The following USP43 variants were observed in gnomAD, a reference collection of about 807,000 sequenced individuals.
USP43 encodes ubiquitin carboxyl-terminal hydrolase 43.
In USP43, 33 loss-of-function variants were observed where a neutral mutation model predicts 90.7. The observed-to-expected ratio is 0.36, with a 90% CI of 0.28 to 0.49. The LOEUF (loss-of-function observed/expected upper bound fraction) is 0.49. Ranked by LOEUF, USP43 falls within the 20% of genes least tolerant of loss-of-function variation. USP43 has a pLI of 0.98. For synonymous variants in USP43, 598 were observed against 615.8 expected, an observed-to-expected ratio of 0.97 and a Z score of 0.43; for missense variants, 1,274 against 1,476.4, an observed-to-expected ratio of 0.86 and a Z score of 2.25.
At position 9,686,342 on chromosome 17, in the gene USP43, G is replaced by A. The variant is rs1914599324; in HGVS notation, c.1242-456G>A. 6.6e-6 allele frequency among the ~76,000 whole-genome samples: 1 copy of A among 152,152 alleles called. No homozygotes were observed. ...TTGGATAAATACCCAGTAGTGGGATGGCTGGGTCACATGGTGGTTCTATTT... is the reference window on the plus strand; with the variant it reads ...TTGGATAAATACCCAGTAGTGGGATAGCTGGGTCACATGGTGGTTCTATTT... On this transcript the variant is annotated intron_variant, in intron 7 of 14. Transcript: ENST00000285199. The surrounding 1 kb of genome is among the most constrained non-coding windows in gnomAD (Gnocchi z 5.5).
In USP43 at chr17:9,728,435, G is replaced by A. The variant is rs377305048; in HGVS notation, c.2817G>A (p.Val939=). ...TGCCTCTCACTGTGATGCCTTCAGT[G>A]GAGCATGAGAAACCAGCTCGACCGG... ...FDLPLTVMPS[V]EHEKPARPEG... The change falls in exon 15 of 15, where the codon GTG becomes GTA. Residue 939 remains valine (V), a synonymous_variant. Transcript: ENST00000285199. This position sits in a 1 kb window ranked among gnomAD's most constrained non-coding sequence, Gnocchi z 6.2. 1 of 1,611,698 alleles carries A rather than the reference G, an allele frequency of 6.2e-7. No homozygotes were observed. Among genetic ancestry groups the A allele is most frequent in the Non-Finnish European group, 8.5e-7 (1 of 1,178,992 alleles).
Position 9,729,121 on chromosome 17 carries a change from T to C in USP43, c.*131T>C, listed in dbSNP as rs61173652. On this transcript the variant is annotated 3_prime_UTR_variant, in exon 15 of 15. Coordinates refer to ENST00000285199, the MANE Select transcript of USP43 (RefSeq NM_153210.5). ...ATCTCTAAAAAAAAATTTTTTTTTT[T>C]TTGTGGTGGGGGGTCTCCATATCTA... 6.5e-3 allele frequency: 6,119 copies of C among 934,488 alleles called. 212 individuals carry two copies. In the East Asian group the frequency reaches 0.078, roughly 12 times the overall value. The allele number at this position is 934,488 out of a possible 1,614,324, so 57.9% of individuals were successfully genotyped here.
upstream of USP43, chr17:9,645,341 A>G: frequency 4.4e-6 from 1 of 225,602 alleles, no homozygotes; most frequent in Middle Eastern, 1.5e-3. The surrounding 1 kb of genome is among the most constrained non-coding windows in gnomAD (Gnocchi z 6.8). Context: ...TCGGTTTACG[A>G]GGTAAGGAAG....
intron 7 of USP43, among the ~76,000 whole-genome samples, chr17:9,685,153 C>T (rs1374484073): frequency 6.6e-6 from 1 of 152,220 alleles, no homozygotes; most frequent in Non-Finnish European, 1.5e-5. Context: ...GTGCCCTTGC[C>T]TGTCCAGACA....
rs1184883523 is a variant in USP43 at position 9,681,462 on chromosome 17, TTATATATATATATATATATATA to T, written c.1105+1122_1105+1143del. 3.1e-3 allele frequency among the ~76,000 whole-genome samples: 57 copies of T among 18,578 alleles called. No homozygotes were observed. The South Asian group carries it at 0.05, about 16-fold the overall frequency. 12.2% of individuals were successfully genotyped at this position (18,578 alleles called of 152,430 possible). On this transcript the variant is annotated intron_variant, in intron 6 of 14. Coordinates refer to ENST00000285199, the MANE Select transcript of USP43 (RefSeq NM_153210.5). ...TATAGATAAATATATATAAAATATA[TTATATATATATATATATATATA>T]TATATATATATATATATATATATAT...
intron 1 of USP43, among the ~76,000 whole-genome samples, chr17:9,652,739 C>T (rs1208348392): frequency 2.0e-5 from 3 of 151,986 alleles, no homozygotes; most frequent in African/African-American, 7.3e-5. Flanking sequence ...GAAATACCTG[C>T]CAAATACTTT....
At chr17:9,685,780 C>T (rs370763420) in intron 7 of USP43, among the ~76,000 whole-genome samples, 1 of 152,268 alleles carries the variant, frequency 6.6e-6, no homozygotes, top group Admixed American at 6.5e-5. Flanking sequence ...TTGGCATAAC[C>T]GTCACCTCAA....
intron 3 of USP43, chr17:9,669,748 T>G (rs1387287463): frequency 6.6e-6 from 1 of 152,214 alleles, no homozygotes; most frequent in African/African-American, 2.4e-5. Context: ...AGTCTGCCAT[T>G]TTAATAACTG....
At chr17:9,685,334 A>G (rs1364820025) in intron 7 of USP43, among the ~76,000 whole-genome samples, 1 of 152,214 alleles carries the variant, frequency 6.6e-6, no homozygotes, top group Non-Finnish European at 1.5e-5. Context: ...AGGCTCACCC[A>G]GCATTCTGTA....
At chr17:9,685,943 C>T (rs1181618331) in intron 7 of USP43, among the ~76,000 whole-genome samples, 1 of 152,088 alleles carries the variant, frequency 6.6e-6, no homozygotes, top group Admixed American at 6.6e-5. Context: ...TTATTCATTA[C>T]CTAACCTTTT....
Position 9,686,708 on chromosome 17 carries a change from A to C in USP43, c.1242-90A>C, listed in dbSNP as rs1325632592. Reference sequence around the variant, plus strand: ...AGCTCTTGTCACTTATCCTATTGACAGGAAGCCAGGGTTAGAACAACCACT... The same window carrying C: ...AGCTCTTGTCACTTATCCTATTGACCGGAAGCCAGGGTTAGAACAACCACT... On this transcript the variant is annotated intron_variant, in intron 7 of 14. Transcript: ENST00000285199. The surrounding 1 kb of genome is among the most constrained non-coding windows in gnomAD (Gnocchi z 5.5). 3.6e-6 allele frequency: 4 copies of C among 1,115,436 alleles called. No individual in the cohort carries two copies. In the South Asian group the frequency reaches 4.2e-5, roughly 12 times the overall value. The allele number at this position is 1,115,436 out of a possible 1,614,324, so 69.1% of individuals were successfully genotyped here.
intron 1 of USP43, among the ~76,000 whole-genome samples, chr17:9,649,009 AAG>A (rs941651219): frequency 7.0e-6 from 1 of 142,638 alleles, no homozygotes; most frequent in Non-Finnish European, 1.5e-5. Context: ...CTCTCTCTTT[AAG>A]AGAGAGTGTC....
At chr17:9,670,562 G>A (rs756738489) in intron 3 of USP43, among the ~76,000 whole-genome samples, 4 of 152,108 alleles carry the variant, frequency 2.6e-5, no homozygotes, top group Non-Finnish European at 2.9e-5. Context: ...TCTTGCTAAC[G>A]GGGTGAGGGG....
intron 2 of USP43, among the ~76,000 whole-genome samples, chr17:9,664,106 A>C (rs1912840163): frequency 6.6e-6 from 1 of 152,198 alleles, no homozygotes; most frequent in African/African-American, 2.4e-5. Context: ...GACATATAAG[A>C]ATGACCATTT....
Position 9,672,799 on chromosome 17 carries a change from G to T in USP43, c.741-2092G>T, listed in dbSNP as rs80350267. Among the ~76,000 whole-genome samples, 411 of 152,276 alleles carry T rather than the reference G, an allele frequency of 2.7e-3. 4 individuals are homozygous for T. The highest frequency in any genetic ancestry group is 9.3e-3 in the African/African-American group (388 of 41,558). ...TACTGGGGCCTGTTTCCTATAATCA[G>T]GTTGATGGTCTGATAAGTTGTATCC... On this transcript the variant is annotated intron_variant, in intron 3 of 14. Coordinates refer to ENST00000285199, the MANE Select transcript of USP43 (RefSeq NM_153210.5).
At chr17:9,702,174 AACAAAGT>A in intron 12 of USP43, among the ~76,000 whole-genome samples, 1 of 152,180 alleles carries the variant, frequency 6.6e-6, no homozygotes, top group African/African-American at 2.4e-5. Flanking sequence ...CAGCCTAGGC[AACAAAGT>A]GAGACCCCCG....
rs1356151910 is a variant in USP43 at position 9,711,977 on chromosome 17, G to C, written c.2180G>C (p.Ser727Thr). Residue 727 changes from serine (S) to threonine (T), a missense_variant, in exon 14 of 15, where the codon AGC becomes ACC. This residue lies in a region of USP43 where 285 missense variants were observed against 349.6 expected (regional missense o/e 0.82). Coordinates refer to ENST00000285199, the MANE Select transcript of USP43 (RefSeq NM_153210.5). ...SASSSMRGST[S>T]SSLSDHWLLR... ...TGTGTTTCCTCCACAGGCTCTACCA[G>C]CTCCTCCCTGTCTGATCACTGGCTC... 1.2e-6 allele frequency: 2 copies of C among 1,606,602 alleles called. No individual in the cohort carries two copies. The highest frequency in any genetic ancestry group is 2.2e-5 in the South Asian group (2 of 89,906).
At chr17:9,690,151 C>T (rs1411168184) in intron 8 of USP43, among the ~76,000 whole-genome samples, 2 of 152,140 alleles carry the variant, frequency 1.3e-5, no homozygotes, top group Non-Finnish European at 2.9e-5. Context: ...AAGGGGTCGG[C>T]TCACAACTCT....
intron 2 of USP43, among the ~76,000 whole-genome samples, chr17:9,657,759 A>G (rs1435203343): frequency 1.3e-5 from 2 of 152,164 alleles, no homozygotes; most frequent in African/African-American, 4.8e-5. Flanking sequence ...AACTTCCTCC[A>G]TGATCCTATC....
Sources: allele counts gnomAD v4.1 joint callset (sites outside exome capture counted in the v4.1 genomes callset), GRCh38; gene constraint gnomAD v4.1.1; regional missense constraint gnomAD v4.1.1; non-coding constraint Gnocchi (gnomAD v3.1); transcripts MANE v1.5; gene names NCBI Gene and HGNC (gene_info 2026-07-23, HGNC 2026-07-21).